CDH13: variants seen among roughly 807,000 people sequenced by gnomAD.
The protein encoded by CDH13 is cadherin 13.
CDH13 carries 24 observed loss-of-function variants against 63.8 expected under a neutral mutation model. The ratio of observed to expected loss-of-function variants is 0.38; its 90% confidence interval spans 0.27 to 0.53. CDH13 has a LOEUF of 0.53. CDH13 is among the 20% of genes least tolerant of loss of function. The pLI, the probability that CDH13 is intolerant of heterozygous loss-of-function variation, is 0.85. For synonymous variants in CDH13, 503 were observed against 355.3 expected, an observed-to-expected ratio of 1.42 and a Z score of -4.67; for missense variants, 1,049 against 903.1, an observed-to-expected ratio of 1.16 and a Z score of -2.07.
At chr16:83,198,128 T>G (rs1246940885) in intron 4 of CDH13, among the ~76,000 whole-genome samples, 4 of 152,174 alleles carry the variant, frequency 2.6e-5, no homozygotes, top group Non-Finnish European at 5.9e-5. Context: ...TTTACTTTAC[T>G]TTCTCTGCCA....
intron 8 of CDH13, among the ~76,000 whole-genome samples, chr16:83,664,910 GAAT>G (rs1913792668): frequency 6.6e-6 from 1 of 152,190 alleles, no homozygotes; most frequent in Admixed American, 6.5e-5. Context: ...CACCCAGAGG[GAAT>G]ACTAGCCCTC....
intron 6 of CDH13, among the ~76,000 whole-genome samples, chr16:83,438,713 C>A (rs1323938650): frequency 6.6e-6 from 1 of 152,206 alleles, no homozygotes; most frequent in Non-Finnish European, 1.5e-5. Flanking sequence ...AATATTTTCT[C>A]CATTTCACAA....
intron 4 of CDH13, among the ~76,000 whole-genome samples, chr16:83,193,055 C>T (rs1597493452): frequency 6.6e-6 from 1 of 151,860 alleles, no homozygotes; most frequent in African/African-American, 2.4e-5. Context: ...ATGGCACACT[C>T]GGAGTTGTCT....
At chr16:83,286,416 G>T (rs1222188891) in intron 5 of CDH13, among the ~76,000 whole-genome samples, 1 of 152,184 alleles carries the variant, frequency 6.6e-6, no homozygotes, top group African/African-American at 2.4e-5. Context: ...CCTCTGGTCA[G>T]AGGCAGCTTT....
At chr16:83,277,448 A>G (rs1324478086) in intron 5 of CDH13, among the ~76,000 whole-genome samples, 2 of 152,204 alleles carry the variant, frequency 1.3e-5, no homozygotes, top group South Asian at 2.1e-4. Flanking sequence ...ATTCCTAGGT[A>G]CAATTCAGTT....
chr16:82,801,632 T>TG (rs1307211382), intron 1 of CDH13, among the ~76,000 whole-genome samples: 1 of 152,164 alleles, frequency 6.6e-6, no homozygotes, highest in African/African-American at 2.4e-5. Context: ...AATTAGTCAT[T>TG]GAGGGAAGTA....
rs533744876 is a variant in CDH13 at position 83,007,559 on chromosome 16, G to T, written c.158-24451G>T. 3.3e-5 allele frequency among the ~76,000 whole-genome samples: 5 copies of T among 152,298 alleles called. No homozygotes were observed. The South Asian group carries it at 1.0e-3, about 32-fold the overall frequency. On this transcript the variant is annotated intron_variant, in intron 2 of 13. Transcript: ENST00000567109. ...GAAAAATGTCTTAAGGCCGGGCTCAGTGGCTCATGCCTGTAACCCCAGCAC... is the reference window on the plus strand; with the variant it reads ...GAAAAATGTCTTAAGGCCGGGCTCATTGGCTCATGCCTGTAACCCCAGCAC...
intron 2 of CDH13, among the ~76,000 whole-genome samples, chr16:82,886,346 T>A (rs1308278612): frequency 6.6e-6 from 1 of 152,210 alleles, no homozygotes; most frequent in Admixed American, 6.5e-5. Context: ...GTGTTTGCAT[T>A]TCCATATGGT....
At chr16:83,634,129 GTGTGTA>G (rs200812995) in intron 8 of CDH13, among the ~76,000 whole-genome samples, 36,798 of 117,374 alleles carry the variant, frequency 0.31, 4,857 homozygotes, top group East Asian at 0.39. Flanking sequence ...GTGTGTGTGT[GTGTGTA>G]TGTGTGTGTG....
intron 5 of CDH13, among the ~76,000 whole-genome samples, chr16:83,334,708 C>A (rs1320672844): frequency 2.0e-5 from 3 of 152,090 alleles, no homozygotes; most frequent in African/African-American, 7.2e-5. Flanking sequence ...TGATCAGCAA[C>A]CTTAATTCCA....
At chr16:83,237,155 C>T (rs1333367797) in intron 5 of CDH13, among the ~76,000 whole-genome samples, 1 of 152,102 alleles carries the variant, frequency 6.6e-6, no homozygotes, top group Non-Finnish European at 1.5e-5. Flanking sequence ...AAATTGCAGC[C>T]TAAAGCGGTG....
At chr16:83,770,897 T>C (rs534759395) in intron 11 of CDH13, among the ~76,000 whole-genome samples, 12 of 152,276 alleles carry the variant, frequency 7.9e-5, no homozygotes, top group African/African-American at 2.6e-4. Context: ...TAGAATGCCT[T>C]AACCACCTGG....
chr16:83,717,524 C>G (rs1299295087), intron 10 of CDH13, among the ~76,000 whole-genome samples: 1 of 152,230 alleles, frequency 6.6e-6, no homozygotes, highest in Non-Finnish European at 1.5e-5. Flanking sequence ...ACGACACCAT[C>G]AGGAAGAAAC....
chr16:83,386,928 C>G (rs1393832474), intron 6 of CDH13, among the ~76,000 whole-genome samples: 1 of 152,190 alleles, frequency 6.6e-6, no homozygotes, highest in African/African-American at 2.4e-5. Flanking sequence ...TCCATTGCAT[C>G]TAGAAAGCCA....
At chr16:83,678,642 T>C (rs1400267447) in intron 10 of CDH13, among the ~76,000 whole-genome samples, 181 bp downstream of exon 10, 2 of 152,100 alleles carry the variant, frequency 1.3e-5, no homozygotes, top group South Asian at 2.1e-4. Context: ...AGGGCCAGGC[T>C]CTTTGGTGAG....
In CDH13 at chr16:82,758,142, T is replaced by C. The variant is rs146932731; in HGVS notation, c.46-100220T>C. Among the ~76,000 whole-genome samples, 495 of 152,098 alleles carry C rather than the reference T, an allele frequency of 3.3e-3. 5 individuals carry two copies. The highest frequency in any genetic ancestry group is 0.011 in the African/African-American group (466 of 41,476). The stretch of plus-strand genomic sequence containing the variant: ...CCAAGGGACATTTTCCTTGGACCAA[T>C]TGGGAAAAGACCTGGTCAAAATTGA... On this transcript the variant is annotated intron_variant, in intron 1 of 13. Coordinates refer to ENST00000567109, the MANE Select transcript of CDH13 (RefSeq NM_001257.5).
At chr16:82,851,968 C>A (rs1287115422) in intron 1 of CDH13, among the ~76,000 whole-genome samples, 2 of 152,160 alleles carry the variant, frequency 1.3e-5, no homozygotes, top group African/African-American at 4.8e-5. Flanking sequence ...AAGTAACTAT[C>A]AACCAACACT....
rs550668857 is a variant in CDH13, at chr16:83,741,624, C to T, written c.1539-6484C>T. ...AAATTTGATACGTATATAATCTGTG[C>T]CATGTCTAGTGCTCTGCTATATTGC... is the stretch of plus-strand genomic sequence containing the variant. On this transcript the variant is annotated intron_variant, in intron 10 of 13. Transcript: ENST00000567109. Among the ~76,000 whole-genome samples, 4 of 152,124 alleles carry T rather than the reference C, an allele frequency of 2.6e-5. No individual in the cohort carries two copies. In the South Asian group the frequency reaches 8.3e-4, roughly 32 times the overall value.
In CDH13 at chr16:83,303,420, A is replaced by G. The variant is rs2089796734; in HGVS notation, c.637-41442A>G. Among the ~76,000 whole-genome samples, 2 of 152,178 alleles carry G rather than the reference A, an allele frequency of 1.3e-5. 1 individual carries two copies. The highest frequency in any genetic ancestry group is 4.1e-4 in the South Asian group (2 of 4,824). ...ATTTGAAGGGGAGTAAATAACTTTT[A>G]GGGGGAATGAATAAGCCCAGTGCTG... is the stretch of plus-strand genomic sequence containing the variant. On this transcript the variant is annotated intron_variant, in intron 5 of 13. Coordinates refer to ENST00000567109, the MANE Select transcript of CDH13 (RefSeq NM_001257.5).
Sources: allele counts gnomAD v4.1 joint callset (sites outside exome capture counted in the v4.1 genomes callset), GRCh38; gene constraint gnomAD v4.1.1; transcripts MANE v1.5; gene names NCBI Gene and HGNC (gene_info 2026-07-23, HGNC 2026-07-21).